NAGA: variants seen among roughly 807,000 people sequenced by gnomAD.
NAGA encodes alpha-N-acetylgalactosaminidase.
A neutral mutation model predicts 45.6 loss-of-function variants in NAGA; 42 were observed. That is an observed-to-expected ratio of 0.92 (90% confidence interval 0.72 to 1.19). The LOEUF (loss-of-function observed/expected upper bound fraction) is 1.19, where lower values mean the gene tolerates loss of function less well. Among genes scored for constraint, NAGA ranks in the 50% most tolerant of loss-of-function variants. NAGA has a pLI of 0.00. For missense variants in NAGA, 493 were observed against 544.8 expected, an observed-to-expected ratio of 0.90 and a Z score of 0.95; for synonymous variants, 176 against 203.1, an observed-to-expected ratio of 0.87 and a Z score of 1.13.
chr22:42,065,943 G>A lies in NAGA; in HGVS notation c.598-44C>T, dbSNP rs370055059. ...GCAGAGTCCAGCACCAGAATCACAC[G>A]CTGCAGCCCAGGGACCCACACAGGA... On this transcript the variant is annotated intron_variant, in intron 5 of 8. Transcript: ENST00000396398. 5.0e-6 allele frequency: 8 copies of A among 1,605,490 alleles called. No homozygotes were observed. In the African/African-American group the frequency reaches 5.4e-5, roughly 11 times the overall value.
rs1360014242 is a variant in NAGA at position 42,066,703 on chromosome 22, G to A, written c.597+7C>T. On this transcript the variant is annotated splice_region_variant and intron_variant, in intron 5 of 8. Transcript: ENST00000396398. ...AGCGCCATCAGGCAGGGGGCAGAAT[G>A]GCTTACCCTTGGGGGGAGGCCGCCT... 1.9e-6 allele frequency: 3 copies of A among 1,592,494 alleles called. No homozygotes were observed. Among genetic ancestry groups the A allele is most frequent in the Non-Finnish European group, 2.6e-6 (3 of 1,169,766 alleles).
At chr22:42,068,805 C>T (rs970020708) in intron 1 of NAGA, among the ~76,000 whole-genome samples, 17 of 39,666 alleles carry the variant, frequency 4.3e-4, no homozygotes, top group African/African-American at 7.8e-4. Context: ...GAGGTCTGGC[C>T]GTCACCACAG....
At chr22:42,068,303 C>A in intron 2 of NAGA, 136 bp downstream of exon 2, 1 of 1,422,156 alleles carries the variant, frequency 7.0e-7, no homozygotes, top group Non-Finnish European at 9.8e-7. Flanking sequence ...TCAGACAGTC[C>A]GAGTGACTTC....
In NAGA at chr22:42,060,052, T is replaced by C; in HGVS notation, c.*227A>G. 1.8e-6 allele frequency: 1 copy of C among 566,254 alleles called. No homozygotes were observed. The highest frequency in any genetic ancestry group is 3.2e-6 in the Non-Finnish European group (1 of 314,604). The allele number at this position is 566,254 out of a possible 1,614,324, so 35.1% of individuals were successfully genotyped here. A position where few individuals can be genotyped will look rare whatever the true frequency, so the allele number is the denominator to read the frequency against. Reference sequence around the variant, plus strand: ...GTCTGTGGGGCTGCGCACATGGAAGTAGAGGCCAGGAAGGCCACAGGAAAA... The same window carrying C: ...GTCTGTGGGGCTGCGCACATGGAAGCAGAGGCCAGGAAGGCCACAGGAAAA... On this transcript the variant is annotated 3_prime_UTR_variant, in exon 9 of 9. Coordinates refer to ENST00000396398, the MANE Select transcript of NAGA (RefSeq NM_000262.3).
chr22:42,067,427 C>T (rs1926807820), intron 3 of NAGA, 137 bp from the exon 4 acceptor site: 1 of 1,142,296 alleles, frequency 8.8e-7, no homozygotes, highest in African/African-American at 1.5e-5. Context: ...CTGGCCCGGC[C>T]TCTGCCCATG....
Position 42,070,448 on chromosome 22 carries a change from C to T in NAGA, c.-151G>A, listed in dbSNP as rs1311613236. On this transcript the variant is annotated 5_prime_UTR_variant, in exon 1 of 9. Coordinates refer to ENST00000396398, the MANE Select transcript of NAGA (RefSeq NM_000262.3). ...GCCGCCCTCAACCTTAGGCGTGGAT[C>T]GTACACTCGGTCCCCAAGTTGCCCG... is the stretch of plus-strand genomic sequence containing the variant. 10 of 856,502 alleles carry T rather than the reference C, an allele frequency of 1.2e-5. No homozygotes were observed. The highest frequency in any genetic ancestry group is 4.0e-5 in the South Asian group (3 of 74,774). The allele number at this position is 856,502 out of a possible 1,614,324, so 53.1% of individuals were successfully genotyped here.
At chr22:42,070,232 T>G (rs550800483) in intron 1 of NAGA, 50 bp downstream of exon 1, 2 of 1,610,264 alleles carry the variant, frequency 1.2e-6, no homozygotes, top group South Asian at 2.2e-5. Context: ...AAAGCACTCC[T>G]TGTAGCACTC....
At chr22:42,068,920 A>C (rs77478598) in intron 1 of NAGA, among the ~76,000 whole-genome samples, 4,013 of 152,300 alleles carry the variant, frequency 0.026, 163 homozygotes, top group African/African-American at 0.091. Flanking sequence ...AGATGCTCCT[A>C]GGCCTACCAC....
intron 6 of NAGA, among the ~76,000 whole-genome samples, chr22:42,065,251 G>A (rs1926654769): frequency 6.6e-6 from 1 of 152,152 alleles, no homozygotes; most frequent in Admixed American, 6.6e-5. Context: ...GCTATAAATT[G>A]CAACAACAAC....
intron 2 of NAGA, 137 bp downstream of exon 2, chr22:42,068,302 C>T: frequency 2.1e-6 from 3 of 1,410,738 alleles, no homozygotes. Flanking sequence ...GTCAGACAGT[C>T]CGAGTGACTT....
At chr22:42,067,464 C>A (rs1383400847) in intron 3 of NAGA, among the ~76,000 whole-genome samples, 174 bp from the exon 4 acceptor site, 1 of 152,210 alleles carries the variant, frequency 6.6e-6, no homozygotes, top group Non-Finnish European at 1.5e-5. Context: ...CCAACACACA[C>A]CTCCCAGCGG....
At chr22:42,069,862 G>A (rs1313837401) in intron 1 of NAGA, among the ~76,000 whole-genome samples, 1 of 152,226 alleles carries the variant, frequency 6.6e-6, no homozygotes, top group East Asian at 1.9e-4. Flanking sequence ...CTGAGCCCCA[G>A]TCCAGAGCTC....
At chr22:42,067,542 A>C (rs1364248888) in intron 3 of NAGA, among the ~76,000 whole-genome samples, 1 of 152,178 alleles carries the variant, frequency 6.6e-6, no homozygotes, top group Non-Finnish European at 1.5e-5. Flanking sequence ...CTCTGGGCTC[A>C]GCTCAAGAAA....
chr22:42,061,992 G>T (rs1926432529), intron 7 of NAGA, among the ~76,000 whole-genome samples: 1 of 147,188 alleles, frequency 6.8e-6, no homozygotes. Flanking sequence ...TGACACTGAA[G>T]TCCAGTCTTG....
intron 2 of NAGA, 85 bp from the exon 3 acceptor site, chr22:42,068,021 G>C (rs1926847328): frequency 7.5e-7 from 1 of 1,336,496 alleles, no homozygotes; most frequent in Admixed American, 1.7e-5. Flanking sequence ...TTGAATCTGG[G>C]CTATAAAAAC....
At chr22:42,062,801 C>T in intron 7 of NAGA, 26 bp downstream of exon 7, 1 of 1,611,296 alleles carries the variant, frequency 6.2e-7, no homozygotes, top group Non-Finnish European at 8.5e-7. Flanking sequence ...TCAGCCCTCC[C>T]CTTCCTTCCC....
At chr22:42,068,698 G>C in intron 1 of NAGA, 124 bp from the exon 2 acceptor site, 1 of 1,343,772 alleles carries the variant, frequency 7.4e-7, no homozygotes, top group Non-Finnish European at 1.0e-6. Flanking sequence ...AAGGGAAACT[G>C]GACTCCTGGG....
rs1337602088 is a variant in NAGA, at chr22:42,065,826, C to G, written c.671G>C (p.Ser224Thr). The change falls in exon 6 of 9, where the codon AGC (serine) becomes ACC (threonine). Residue 224 changes from serine (S) to threonine (T), a missense_variant. Transcript: ENST00000396398. ...GAACCAATTCAGGATGGAGAGCACGCTCCACCAGGAGTCCTGGATGTCATC... is the reference window on the plus strand; with the variant it reads ...GAACCAATTCAGGATGGAGAGCACGGTCCACCAGGAGTCCTGGATGTCATC... ...NYDDIQDSWW[S>T]VLSILNWFVE... The G allele has an allele frequency of 6.2e-7, 1 of 1,614,176 alleles. No individual in the cohort carries two copies. Among genetic ancestry groups the G allele is most frequent in the South Asian group, 1.1e-5 (1 of 91,082 alleles).
At position 42,059,095 on chromosome 22, in the gene NAGA, C is replaced by A. The variant is rs950454247; in HGVS notation, c.*1184G>T. On this transcript the variant is annotated 3_prime_UTR_variant, in exon 9 of 9. Coordinates refer to ENST00000396398, the MANE Select transcript of NAGA (RefSeq NM_000262.3). ...AAAATACTCCTTGGGCAGCACAGTG[C>A]AAGGCCTGGGGCACTGGGTGCTCCT... is the stretch of plus-strand genomic sequence containing the variant. 1 of 152,368 alleles carries A rather than the reference C, an allele frequency of 6.6e-6. No homozygotes were observed. The highest frequency in any genetic ancestry group is 2.4e-5 in the African/African-American group (1 of 41,588). 9.4% of individuals were successfully genotyped at this position (152,368 alleles called of 1,614,324 possible).
Sources: gnomAD v4.1 joint callset for allele counts (sites outside exome capture counted in the v4.1 genomes callset) on GRCh38, gnomAD v4.1.1 for gene constraint, MANE v1.5 for transcripts, NCBI Gene and HGNC (gene_info 2026-07-23, HGNC 2026-07-21) for gene names.